The following ASAP2 variants were observed in gnomAD, a reference collection of about 807,000 sequenced individuals.
The protein encoded by ASAP2 is ArfGAP with SH3 domain, ankyrin repeat and PH domain 2.
In ASAP2, 45 loss-of-function variants were observed where a neutral mutation model predicts 131.4. The ratio of observed to expected loss-of-function variants is 0.34; its 90% confidence interval spans 0.27 to 0.44. The LOEUF (loss-of-function observed/expected upper bound fraction) is 0.44. Ranked by LOEUF, ASAP2 falls within the 20% of genes least tolerant of loss-of-function variation. ASAP2 has a pLI of 1.00. For synonymous variants in ASAP2, 510 were observed against 503.0 expected, an observed-to-expected ratio of 1.01 and a Z score of -0.19; for missense variants, 1,011 against 1,297.0, an observed-to-expected ratio of 0.78 and a Z score of 3.39.
Position 9,393,485 on chromosome 2 carries a change from C to T in ASAP2, c.2522C>T (p.Pro841Leu), listed in dbSNP as rs745444278. The T allele has an allele frequency of 6.2e-7, 1 of 1,605,532 alleles. No homozygotes were observed. The highest frequency in any genetic ancestry group is 8.5e-7 in the Non-Finnish European group (1 of 1,176,478). ...LPPLRVTSTN[P>L]LTPTPPPPVA... ...CGTCTCTCCCTGTCCTCCGCAGATC[C>T]CCTGACCCCCACGCCGCCCCCACCC... The change falls in exon 24 of 28, where the codon CCC becomes CTC. Residue 841 changes from proline (P) to leucine (L), a missense_variant. Pro to Leu is a moderately conservative substitution (Grantham distance 98). Transcript: ENST00000281419.
rs762775912 is a variant in ASAP2 at position 9,401,341 on chromosome 2, C to A, written c.2891C>A (p.Thr964Asn). The change falls in exon 27 of 28, where the codon ACC (threonine) becomes AAC (asparagine). Residue 964 changes from threonine to asparagine, a missense_variant. Physicochemically the swap from Thr to Asn is moderately conservative, Grantham distance 65. Coordinates refer to ENST00000281419, the MANE Select transcript of ASAP2 (RefSeq NM_003887.3). ...NCVADNPDEL[T>N]FSEGDVIIVD... ...GTGGCTGACAACCCCGATGAGCTCACCTTCTCCGAGGGGGATGTGATCATC... is the reference window on the plus strand; with the variant it reads ...GTGGCTGACAACCCCGATGAGCTCAACTTCTCCGAGGGGGATGTGATCATC... 20 of 1,613,486 alleles carry A rather than the reference C, an allele frequency of 1.2e-5. No homozygotes were observed. Among genetic ancestry groups the A allele is most frequent in the Non-Finnish European group, 1.6e-5 (19 of 1,179,926 alleles).
chr2:9,288,940 A>G (rs761216549), intron 2 of ASAP2, among the ~76,000 whole-genome samples: 4 of 152,172 alleles, frequency 2.6e-5, no homozygotes, highest in African/African-American at 4.8e-5. Context: ...TACATTTTCA[A>G]TGAGGAAATT....
intron 1 of ASAP2, among the ~76,000 whole-genome samples, chr2:9,230,326 A>C (rs1663067392): frequency 6.6e-6 from 1 of 152,214 alleles, no homozygotes. Context: ...TTGGGGACCC[A>C]GAGGGGCTGC....
chr2:9,223,657 G>A (rs1315863800), intron 1 of ASAP2, among the ~76,000 whole-genome samples: 1 of 152,208 alleles, frequency 6.6e-6, no homozygotes, highest in Non-Finnish European at 1.5e-5. Context: ...GAAGTAGAAA[G>A]TAAGCTACTA....
intron 1 of ASAP2, chr2:9,271,721 A>C (rs1572316640): frequency 2.2e-6 from 1 of 449,812 alleles, no homozygotes; most frequent in Non-Finnish European, 3.9e-6. Context: ...CCCAAGGGGG[A>C]GGCTGCTGAG....
chr2:9,317,218 CTCACACAA>C (rs1035472318), intron 3 of ASAP2, among the ~76,000 whole-genome samples: 7 of 72,122 alleles, frequency 9.7e-5, no homozygotes, highest in Admixed American at 6.7e-4. Flanking sequence ...CACATCCACA[CTCACACAA>C]TCACACAACC....
intron 1 of ASAP2, among the ~76,000 whole-genome samples, chr2:9,227,849 G>A (rs1450753555): frequency 6.6e-6 from 1 of 152,204 alleles, no homozygotes; most frequent in Non-Finnish European, 1.5e-5. Context: ...GTTCATATAT[G>A]CATTGTTTGT....
chr2:9,292,483 A>C (rs546713379), intron 2 of ASAP2, among the ~76,000 whole-genome samples: 6 of 152,288 alleles, frequency 3.9e-5, no homozygotes, highest in Admixed American at 3.3e-4. Flanking sequence ...GCACCACTGC[A>C]CTCTAGTCTG....
intron 2 of ASAP2, among the ~76,000 whole-genome samples, chr2:9,296,472 C>CTT (rs1402743451): frequency 6.6e-6 from 1 of 152,202 alleles, no homozygotes; most frequent in Non-Finnish European, 1.5e-5. Flanking sequence ...GATTTTCACT[C>CTT]TTTCAGGTGC....
intron 2 of ASAP2, among the ~76,000 whole-genome samples, chr2:9,294,157 C>A (rs1668006880): frequency 6.6e-6 from 1 of 151,936 alleles, no homozygotes; most frequent in Admixed American, 6.6e-5. Context: ...TGCCACCATG[C>A]CTGGCTAATT....
At chr2:9,271,494 A>C (rs1666391685) in intron 1 of ASAP2, 3 of 1,412,786 alleles carry the variant, frequency 2.1e-6, no homozygotes, top group Admixed American at 1.7e-5. Flanking sequence ...CTTGGACAGT[A>C]GTAAGGGCCT....
chr2:9,329,684 A>G (rs1367804682), intron 7 of ASAP2, among the ~76,000 whole-genome samples: 3 of 152,218 alleles, frequency 2.0e-5, no homozygotes, highest in Non-Finnish European at 4.4e-5. Context: ...TGGCTTCGTG[A>G]CAGCGGGAGT....
intron 23 of ASAP2, 135 bp downstream of exon 23, chr2:9,391,331 C>A: frequency 7.8e-7 from 1 of 1,281,542 alleles, no homozygotes; most frequent in Non-Finnish European, 1.1e-6. Context: ...CCCTGTGGCT[C>A]TTGTGCAGGG....
chr2:9,327,178 A>C (rs1417547662), intron 6 of ASAP2, among the ~76,000 whole-genome samples: 1 of 150,424 alleles, frequency 6.6e-6, no homozygotes, highest in Non-Finnish European at 1.5e-5. Flanking sequence ...ATGAATCAGC[A>C]GCTTTTCCAG....
intron 1 of ASAP2, among the ~76,000 whole-genome samples, chr2:9,233,847 A>G (rs1663347481): frequency 6.6e-6 from 1 of 152,140 alleles, no homozygotes; most frequent in African/African-American, 2.4e-5. Context: ...ATGGTGGCTC[A>G]CGCCTGTAAT....
intron 1 of ASAP2, among the ~76,000 whole-genome samples, chr2:9,216,841 C>T (rs964618409): frequency 1.2e-4 from 19 of 152,084 alleles, no homozygotes; most frequent in Non-Finnish European, 2.6e-4. Flanking sequence ...TCAAGTGATC[C>T]TCCTGCCTTG....
intron 15 of ASAP2, among the ~76,000 whole-genome samples, chr2:9,361,560 T>C (rs1673080020): frequency 6.6e-6 from 1 of 152,070 alleles, no homozygotes; most frequent in African/African-American, 2.4e-5. Context: ...CTTCCTTTCT[T>C]TTCTTTTCCT....
Position 9,388,329 on chromosome 2 carries a change from C to T in ASAP2, c.2166C>T (p.Ser722=), listed in dbSNP as rs1044420098. 2 of 1,614,058 alleles carry T rather than the reference C, an allele frequency of 1.2e-6. No homozygotes were observed. The highest frequency in any genetic ancestry group is 1.3e-5 in the African/African-American group (1 of 74,938). The part of the protein sequence containing the change: ...SPNRREDRPI[S]FYQLGSNQLQ... ...ACCGGCGGGAAGACCGGCCCATCAG[C>T]TTCTACCAGCTGGGCTCCAACCAGC... Residue 722 remains serine, a synonymous_variant, in exon 22 of 28, where the codon AGC becomes AGT. Coordinates refer to ENST00000281419, the MANE Select transcript of ASAP2 (RefSeq NM_003887.3).
At chr2:9,292,199 T>G (rs1353092199) in intron 2 of ASAP2, among the ~76,000 whole-genome samples, 1 of 152,138 alleles carries the variant, frequency 6.6e-6, no homozygotes. Context: ...TGTGCTGCCC[T>G]GTGGCGATTT....
Sources: allele counts gnomAD v4.1 joint callset (sites outside exome capture counted in the v4.1 genomes callset), GRCh38; gene constraint gnomAD v4.1.1; transcripts MANE v1.5; gene names NCBI Gene and HGNC (gene_info 2026-07-23, HGNC 2026-07-21).